The following MCCC1 variants were observed in gnomAD, a reference collection of about 807,000 sequenced individuals.
MCCC1 encodes methylcrotonyl-CoA carboxylase subunit 1, also known as methylcrotonoyl-CoA carboxylase subunit alpha, mitochondrial.
Under a neutral mutation model 83.8 loss-of-function variants are expected in MCCC1, and 64 were observed. The ratio of observed to expected loss-of-function variants is 0.76; its 90% CI spans 0.62 to 0.94. The LOEUF is 0.94. MCCC1 is among the 40% of genes least tolerant of loss of function. MCCC1 has a pLI of 0.00. For synonymous variants in MCCC1, 322 were observed against 315.4 expected, an observed-to-expected ratio of 1.02 and a Z score of -0.22; for missense variants, 807 against 904.7, an observed-to-expected ratio of 0.89 and a Z score of 1.39.
intron 9 of MCCC1, 57 bp from the exon 10 acceptor site, chr3:183,045,597 A>C: frequency 6.3e-7 from 1 of 1,589,522 alleles, no homozygotes; most frequent in Non-Finnish European, 8.6e-7. Context: ...AGCAAACCAA[A>C]ATCTTCCATG....
At chr3:183,046,005 TATGTTA>T (rs1181751563) in intron 9 of MCCC1, among the ~76,000 whole-genome samples, 1 of 152,232 alleles carries the variant, frequency 6.6e-6, no homozygotes, top group East Asian at 1.9e-4. Context: ...AACTAAACCT[TATGTTA>T]ATATCTATTG....
Position 183,039,099 on chromosome 3 carries a change from G to A in MCCC1, c.1304C>T (p.Ala435Val), listed in dbSNP as rs1232970567. ...ATCTGCTGCCCACACGACCAGCTTC[G>A]CAATCATGGGGTCATAATGCACGGA... The part of the protein sequence containing the change: ...EVSVHYDPMI[A>V]KLVVWAADRQ... The change falls in exon 12 of 19, where the codon GCG becomes GTG. Residue 435 changes from alanine to valine, a missense_variant. By Grantham distance (64) the Ala-to-Val change is moderately conservative. Transcript: ENST00000265594. 20 of 1,614,154 alleles carry A rather than the reference G, an allele frequency of 1.2e-5. No homozygotes were observed. Among genetic ancestry groups the A allele is most frequent in the Admixed American group, 3.3e-5 (2 of 60,022 alleles).
chr3:183,028,277 A>G (rs1428767972), intron 14 of MCCC1, among the ~76,000 whole-genome samples: 1 of 152,232 alleles, frequency 6.6e-6, no homozygotes, highest in African/African-American at 2.4e-5. Context: ...GACCTACTCA[A>G]TAGTGCTCAG....
intron 9 of MCCC1, among the ~76,000 whole-genome samples, chr3:183,049,994 C>A (rs1302842513): frequency 6.6e-6 from 1 of 152,092 alleles, no homozygotes; most frequent in Non-Finnish European, 1.5e-5. Flanking sequence ...GTGGCACATG[C>A]CTGTAGTTCC....
chr3:183,045,996 A>T (rs1409188420), intron 9 of MCCC1, among the ~76,000 whole-genome samples: 2 of 152,236 alleles, frequency 1.3e-5, no homozygotes, highest in African/African-American at 2.4e-5. Flanking sequence ...TTGTTTGGCA[A>T]CTAAACCTTA....
At chr3:183,059,456 C>T (rs571293855) in intron 7 of MCCC1, among the ~76,000 whole-genome samples, 136 of 152,264 alleles carry the variant, frequency 8.9e-4, no homozygotes, top group Middle Eastern at 6.8e-3. Flanking sequence ...GACTTTTCCT[C>T]TTTATCCACA....
chr3:183,057,481 C>T (rs748825401), intron 7 of MCCC1, 59 bp from the exon 8 acceptor site: 148 of 1,304,478 alleles, frequency 1.1e-4, no homozygotes, highest in Non-Finnish European at 1.4e-4. Context: ...ATATCACATT[C>T]GTTAAGCTAA....
At chr3:183,024,321 C>G (rs749533597) in intron 15 of MCCC1, among the ~76,000 whole-genome samples, 6 of 152,050 alleles carry the variant, frequency 3.9e-5, no homozygotes, top group Non-Finnish European at 8.8e-5. Flanking sequence ...CATAAGTACA[C>G]AGTGGAATTT....
At chr3:183,057,725 A>T (rs1715528929) in intron 7 of MCCC1, among the ~76,000 whole-genome samples, 1 of 152,156 alleles carries the variant, frequency 6.6e-6, no homozygotes, top group Non-Finnish European at 1.5e-5. Flanking sequence ...CAAAAAAACT[A>T]GCCAGGCATG....
intron 4 of MCCC1, among the ~76,000 whole-genome samples, chr3:183,084,872 A>G (rs921291963): frequency 5.3e-5 from 8 of 152,306 alleles, no homozygotes; most frequent in African/African-American, 7.2e-5. Flanking sequence ...AGCCTGGATG[A>G]TAAGTGAACC....
chr3:183,036,058 T>C (rs1713560780), intron 13 of MCCC1, among the ~76,000 whole-genome samples: 1 of 144,444 alleles, frequency 6.9e-6, no homozygotes, highest in African/African-American at 2.5e-5. Context: ...TTCCCACCTA[T>C]GAGTGAGAAC....
In MCCC1 at chr3:183,030,106, G is replaced by A. The variant is rs573074310; in HGVS notation, c.1681+3885C>T. 1.1e-3 allele frequency among the ~76,000 whole-genome samples: 172 copies of A among 152,208 alleles called. 1 individual carries two copies. Among genetic ancestry groups the A allele is most frequent in the Middle Eastern group, 6.8e-3 (2 of 294 alleles). ...GCGGATAGCCTGAGGTCAGGAATTCGAGACCAGCCTGGCCAACATGGTGAA... is the reference window on the plus strand; with the variant it reads ...GCGGATAGCCTGAGGTCAGGAATTCAAGACCAGCCTGGCCAACATGGTGAA... On this transcript the variant is annotated intron_variant, in intron 14 of 18. Coordinates refer to ENST00000265594, the MANE Select transcript of MCCC1 (RefSeq NM_020166.5).
chr3:183,070,669 G>A (rs1262294675), intron 7 of MCCC1, among the ~76,000 whole-genome samples: 1 of 151,880 alleles, frequency 6.6e-6, no homozygotes, highest in East Asian at 1.9e-4. Flanking sequence ...GGAGGCAGAG[G>A]TTGCAATGAG....
upstream of MCCC1, among the ~76,000 whole-genome samples, chr3:183,101,328 G>C (rs892814414): frequency 1.3e-5 from 2 of 152,246 alleles, no homozygotes; most frequent in Non-Finnish European, 2.9e-5. Flanking sequence ...CTGCAGCCCC[G>C]GTGCGGGATC....
intron 4 of MCCC1, among the ~76,000 whole-genome samples, chr3:183,078,122 C>T (rs2314738): frequency 0.55 from 84,152 of 151,994 alleles, 28,684 homozygotes; most frequent in Non-Finnish European, 0.76. Context: ...TGGGTTCCAG[C>T]GATTCTCCTG....
intron 14 of MCCC1, among the ~76,000 whole-genome samples, chr3:183,028,023 C>T (rs1357205977): frequency 1.3e-5 from 2 of 152,186 alleles, no homozygotes; most frequent in East Asian, 3.8e-4. Flanking sequence ...CTAGGACTTT[C>T]ATAGCTGGAG....
At chr3:183,086,120 C>T (rs1717875164) in intron 4 of MCCC1, among the ~76,000 whole-genome samples, 1 of 152,208 alleles carries the variant, frequency 6.6e-6, no homozygotes. Flanking sequence ...AACTAAGTTC[C>T]TTCTGCTGAA....
At chr3:183,025,046 C>T (rs912650021) in intron 15 of MCCC1, among the ~76,000 whole-genome samples, 1 of 151,384 alleles carries the variant, frequency 6.6e-6, no homozygotes, top group African/African-American at 2.4e-5. Flanking sequence ...AAGCCAATTA[C>T]AGAAGGACAA....
At chr3:183,090,918 G>A in intron 3 of MCCC1, 1 of 451,584 alleles carries the variant, frequency 2.2e-6, no homozygotes, top group African/African-American at 2.0e-5. Context: ...AAGAAGAGAA[G>A]GGATCCAGAG....
Sources: allele counts gnomAD v4.1 joint callset (sites outside exome capture counted in the v4.1 genomes callset), GRCh38; gene constraint gnomAD v4.1.1; transcripts MANE v1.5; gene names NCBI Gene and HGNC (gene_info 2026-07-23, HGNC 2026-07-21).